Variants in SLC22A2 observed in about 807,000 individuals in gnomAD.
SLC22A2 encodes organic cation transporter 2.
Under a neutral mutation model 60.5 loss-of-function variants are expected in SLC22A2, and 46 were observed. The observed-to-expected ratio is 0.76, with a 90% CI of 0.60 to 0.97. The LOEUF (loss-of-function observed/expected upper bound fraction) is 0.97. SLC22A2 is among the 50% of genes least tolerant of loss of function. The pLI, the probability that SLC22A2 is intolerant of heterozygous loss-of-function variation, is 0.00. For missense variants in SLC22A2, 701 were observed against 706.6 expected, an observed-to-expected ratio of 0.99 and a Z score of 0.09; for synonymous variants, 303 against 267.0, an observed-to-expected ratio of 1.13 and a Z score of -1.31.
intron 9 of SLC22A2, among the ~76,000 whole-genome samples, chr6:160,231,795 C>A (rs1353656163): frequency 6.6e-6 from 1 of 151,878 alleles, no homozygotes; most frequent in Non-Finnish European, 1.5e-5. Context: ...CCTTTCCATT[C>A]CTTAAAAAAC....
chr6:160,252,628 T>C (rs1783206930), intron 2 of SLC22A2, among the ~76,000 whole-genome samples: 2 of 152,172 alleles, frequency 1.3e-5, no homozygotes, highest in South Asian at 4.1e-4. Flanking sequence ...GGTAAGTCTT[T>C]TAGCTACTTG....
chr6:160,217,825 T>C (rs1039997561), intron 10 of SLC22A2: 7 of 185,512 alleles, frequency 3.8e-5, no homozygotes, highest in Non-Finnish European at 6.6e-5. Context: ...AAGATGAAGA[T>C]TGCAAAATCT....
At chr6:160,239,989 G>A (rs1040151726) in intron 9 of SLC22A2, among the ~76,000 whole-genome samples, 10 of 152,128 alleles carry the variant, frequency 6.6e-5, no homozygotes, top group African/African-American at 2.2e-4. Flanking sequence ...GTGGGGCATT[G>A]GGCAGCCTTA....
chr6:160,241,878 T>C (rs3127606), intron 8 of SLC22A2, among the ~76,000 whole-genome samples: 1,063 of 5,832 alleles, frequency 0.18, 4 homozygotes, highest in Non-Finnish European at 0.34. Flanking sequence ...CACAATATTT[T>C]ATATATATAT....
chr6:160,255,401 C>G (rs1291985614), intron 2 of SLC22A2, among the ~76,000 whole-genome samples: 1 of 152,134 alleles, frequency 6.6e-6, no homozygotes, highest in Non-Finnish European at 1.5e-5. Flanking sequence ...AGTTTTAATT[C>G]AGCCTAAAAT....
intron 5 of SLC22A2, among the ~76,000 whole-genome samples, chr6:160,245,752 G>T (rs1783084455): frequency 7.3e-6 from 1 of 136,648 alleles, no homozygotes; most frequent in Admixed American, 8.4e-5. Flanking sequence ...AGGCTTGAGT[G>T]CAGTGGTGCA....
rs377742189 is a variant in SLC22A2 at position 160,241,535 on chromosome 6, G to A, written c.1440C>T (p.Ile480=). ...TGAGCCGGTAGACCAGGAATGGCGT[G>A]ATGATGCCACCAATGTCACACATTG... ...CSSMCDIGGI[I]TPFLVYRLTN... is the part of the protein sequence containing the mutation. The change falls in exon 9 of 11, where the codon ATC becomes ATT. Residue 480 remains isoleucine, a synonymous_variant. Transcript: ENST00000366953. 6.2e-7 allele frequency: 1 copy of A among 1,613,692 alleles called. No individual in the cohort carries two copies. Among genetic ancestry groups the A allele is most frequent in the Non-Finnish European group, 8.5e-7 (1 of 1,179,690 alleles).
At chr6:160,242,172 G>A in intron 8 of SLC22A2, 122 bp downstream of exon 8, 1 of 709,524 alleles carries the variant, frequency 1.4e-6, no homozygotes, top group Non-Finnish European at 2.6e-6. Context: ...ACCTTTACGT[G>A]TTCTCACCTT....
intron 2 of SLC22A2, among the ~76,000 whole-genome samples, chr6:160,253,713 T>C (rs1299461614): frequency 6.6e-6 from 1 of 152,196 alleles, no homozygotes; most frequent in Non-Finnish European, 1.5e-5. Flanking sequence ...TGAAAGCAAG[T>C]GTAATATGCA....
At chr6:160,231,453 A>G (rs1782822644) in intron 9 of SLC22A2, among the ~76,000 whole-genome samples, 1 of 151,710 alleles carries the variant, frequency 6.6e-6, no homozygotes, top group East Asian at 1.9e-4. Flanking sequence ...TCCCATTAAA[A>G]TCTAATCACC....
chr6:160,245,693 C>T (rs2114865995), intron 5 of SLC22A2, 148 bp from the exon 6 acceptor site: 2 of 268,306 alleles, frequency 7.5e-6, no homozygotes, highest in Non-Finnish European at 1.3e-5. Context: ...TGTCCCATTT[C>T]ATTTTTTTTT....
At position 160,250,722 on chromosome 6, in the gene SLC22A2, G is replaced by A; in HGVS notation, c.519-20C>T. 3 of 1,610,070 alleles carry A rather than the reference G, an allele frequency of 1.9e-6. No homozygotes were observed. The highest frequency in any genetic ancestry group is 2.5e-6 in the Non-Finnish European group (3 of 1,176,902). On this transcript the variant is annotated intron_variant, in intron 2 of 10. Coordinates refer to ENST00000366953, the MANE Select transcript of SLC22A2 (RefSeq NM_003058.4). ...CCAAACCTGCAGGAAGAAAAACAAAGAGAGGGAATTGAATTAATTTTGATT... is the reference window on the plus strand; with the variant it reads ...CCAAACCTGCAGGAAGAAAAACAAAAAGAGGGAATTGAATTAATTTTGATT...
Position 160,249,314 on chromosome 6 carries a change from C to T in SLC22A2, c.744G>A (p.Gly248=). ...AAGCCACCCCAGCTAGCACCAGGAG[C>T]CCAACTGTATAGGCAACTTGGTAAA... The part of the protein sequence containing the change: ...GIFYQVAYTV[G]LLVLAGVAYA... Residue 248 remains glycine, a synonymous_variant, in exon 4 of 11, where the codon GGG becomes GGA. Transcript: ENST00000366953. 1 of 1,613,406 alleles carries T rather than the reference C, an allele frequency of 6.2e-7. No individual in the cohort carries two copies.
At chr6:160,228,641 G>C (rs1177261361) in intron 9 of SLC22A2, among the ~76,000 whole-genome samples, 2 of 152,138 alleles carry the variant, frequency 1.3e-5, no homozygotes, top group Non-Finnish European at 2.9e-5. Context: ...ATAGAAACAT[G>C]GATAGTAATT....
intron 3 of SLC22A2, among the ~76,000 whole-genome samples, chr6:160,249,856 A>G (rs1783155104): frequency 6.6e-6 from 1 of 152,228 alleles, no homozygotes. Flanking sequence ...GTAACTTAGC[A>G]GAGGGCTGGA....
intron 2 of SLC22A2, among the ~76,000 whole-genome samples, chr6:160,254,331 T>TA (rs201829617): frequency 0.014 from 2,180 of 152,156 alleles, 40 homozygotes; most frequent in African/African-American, 0.05. Context: ...TTGTTAAAAT[T>TA]AAAAAAACCC....
intron 10 of SLC22A2, chr6:160,217,881 A>C (rs1725250133): frequency 6.3e-6 from 1 of 159,460 alleles, no homozygotes; most frequent in Non-Finnish European, 1.4e-5. Context: ...TTATTTTTTC[A>C]AAGTGTATTT....
At chr6:160,222,804 C>T (rs1273879973) in intron 10 of SLC22A2, among the ~76,000 whole-genome samples, 1 of 152,228 alleles carries the variant, frequency 6.6e-6, no homozygotes, top group Non-Finnish European at 1.5e-5. Context: ...TCAGCTCCTA[C>T]AAATTGCCAA....
At chr6:160,257,550 C>T (rs1315910398) in intron 1 of SLC22A2, among the ~76,000 whole-genome samples, 1 of 152,082 alleles carries the variant, frequency 6.6e-6, no homozygotes, top group East Asian at 1.9e-4. Flanking sequence ...CCATGAGCTG[C>T]CACATTTCCT....
Sources: allele counts gnomAD v4.1 joint callset (sites outside exome capture counted in the v4.1 genomes callset), GRCh38; gene constraint gnomAD v4.1.1; transcripts MANE v1.5; gene names NCBI Gene and HGNC (gene_info 2026-07-23, HGNC 2026-07-21).